Variants in ATP6V0D1 observed in about 807,000 individuals in gnomAD.
ATP6V0D1 encodes the protein ATPase H+ transporting V0 subunit d1.
Under a neutral mutation model 39.0 loss-of-function variants are expected in ATP6V0D1, and 13 were observed. The observed-to-expected ratio is 0.33, with a 90% CI of 0.22 to 0.53. The LOEUF (loss-of-function observed/expected upper bound fraction) is 0.53, where lower values mean the gene tolerates loss of function less well. ATP6V0D1 is among the 20% of genes least tolerant of loss of function. The probability of loss-of-function intolerance (pLI) is 0.94; values close to 1 mark genes in which losing one functional copy is unlikely to be tolerated. For missense variants in ATP6V0D1, 272 were observed against 470.9 expected (o/e 0.58, Z 3.91); for synonymous variants, 191 against 191.2 (o/e 1.00, Z 0.01).
intron 2 of ATP6V0D1, among the ~76,000 whole-genome samples, chr16:67,451,323 T>A (rs988634340): frequency 2.0e-5 from 3 of 151,960 alleles, no homozygotes; most frequent in African/African-American, 7.3e-5. Context: ...AGTGCTCGAA[T>A]GATGGACCAG....
intron 1 of ATP6V0D1, among the ~76,000 whole-genome samples, chr16:67,472,111 G>GGCA (rs1447203470): frequency 6.6e-6 from 1 of 152,118 alleles, no homozygotes; most frequent in African/African-American, 2.4e-5. Flanking sequence ...CATTCTCGCA[G>GGCA]GCAGCAGCAG....
At chr16:67,449,919 C>G (rs112291748) in intron 2 of ATP6V0D1, among the ~76,000 whole-genome samples, 15,215 of 152,246 alleles carry the variant, frequency 0.1, 1,349 homozygotes, top group African/African-American at 0.24. Flanking sequence ...TCAGCCAGCT[C>G]CTGCTTTCAT....
intron 1 of ATP6V0D1, among the ~76,000 whole-genome samples, chr16:67,459,897 G>A (rs548274173): frequency 2.3e-4 from 35 of 152,368 alleles, no homozygotes; most frequent in East Asian, 1.3e-3. Flanking sequence ...GGGCAGACCC[G>A]CTTGAGGCTC....
intron 1 of ATP6V0D1, among the ~76,000 whole-genome samples, chr16:67,477,877 G>A (rs1035418579): frequency 3.3e-5 from 5 of 152,028 alleles, no homozygotes; most frequent in African/African-American, 1.2e-4. Flanking sequence ...GTTTCACCGA[G>A]CCAGGATGGT....
chr16:67,441,553 TAC>T (rs372818559), intron 4 of ATP6V0D1: 58 of 151,874 alleles, frequency 3.8e-4, no homozygotes, highest in African/African-American at 1.2e-3. Context: ...GGCGCGTGCG[TAC>T]ACACACACAC....
intron 2 of ATP6V0D1, among the ~76,000 whole-genome samples, chr16:67,445,251 G>A (rs972655543): frequency 2.0e-5 from 3 of 152,238 alleles, no homozygotes; most frequent in Admixed American, 6.5e-5. Flanking sequence ...GGCTGCAGCA[G>A]GCGGGGGGCA....
At chr16:67,457,716 G>T in intron 1 of ATP6V0D1, 1 of 1,152,286 alleles carries the variant, frequency 8.7e-7, no homozygotes, top group Non-Finnish European at 1.2e-6. Context: ...GCTCTCTTCT[G>T]CAGGCCCCCC....
At chr16:67,464,911 C>T (rs2041317208) in intron 1 of ATP6V0D1, among the ~76,000 whole-genome samples, 1 of 152,260 alleles carries the variant, frequency 6.6e-6, no homozygotes, top group Non-Finnish European at 1.5e-5. Flanking sequence ...CCCAGCGGTC[C>T]TCAGGACCAC....
At chr16:67,462,362 G>A (rs374991316) in intron 1 of ATP6V0D1, among the ~76,000 whole-genome samples, 4 of 152,250 alleles carry the variant, frequency 2.6e-5, no homozygotes, top group South Asian at 2.1e-4. Context: ...TTGCCACCAC[G>A]GTTATAGAAC....
intron 1 of ATP6V0D1, among the ~76,000 whole-genome samples, chr16:67,460,735 G>A (rs1448201031): frequency 6.6e-6 from 1 of 152,094 alleles, no homozygotes; most frequent in Non-Finnish European, 1.5e-5. Context: ...GGGTATCCAT[G>A]GCACCTTTCC....
chr16:67,446,963 G>T (rs1380973485), intron 2 of ATP6V0D1, among the ~76,000 whole-genome samples: 1 of 152,086 alleles, frequency 6.6e-6, no homozygotes, highest in Non-Finnish European at 1.5e-5. Flanking sequence ...GGAGCTCCAC[G>T]TCCCCATGGC....
At chr16:67,457,487 T>C in intron 1 of ATP6V0D1, 3 of 987,206 alleles carry the variant, frequency 3.0e-6, no homozygotes, top group Non-Finnish European at 4.2e-6. Flanking sequence ...AGCTGGCAGG[T>C]GGTGGCAGAG....
At chr16:67,457,600 G>C in intron 1 of ATP6V0D1, 1 of 1,289,620 alleles carries the variant, frequency 7.8e-7, no homozygotes, top group Non-Finnish European at 1.0e-6. Flanking sequence ...TCACTGGACT[G>C]TCATCACTCA....
chr16:67,448,784 C>G (rs2041146115), intron 2 of ATP6V0D1, among the ~76,000 whole-genome samples: 1 of 152,148 alleles, frequency 6.6e-6, no homozygotes, highest in Non-Finnish European at 1.5e-5. Context: ...CTGGTCTGAG[C>G]CTTCTGGGCC....
chr16:67,481,024 G>A lies in ATP6V0D1; in HGVS notation c.63C>T (p.Arg21=). 2 of 1,614,188 alleles carry A rather than the reference G, an allele frequency of 1.2e-6. No homozygotes were observed. Among genetic ancestry groups the A allele is most frequent in the Middle Eastern group, 1.6e-4 (1 of 6,062 alleles). ...GGCTGAGCACCCCGGCCTTCAGGCC[G>A]CGCACCAGTCCCTCCAAGTAGCCAT... The part of the protein sequence containing the change: ...VDNGYLEGLV[R]GLKAGVLSQA... The change falls in exon 1 of 8, where the codon CGC becomes CGT. Residue 21 remains arginine, a synonymous_variant. Transcript: ENST00000290949.
intron 3 of ATP6V0D1, chr16:67,443,465 A>G: frequency 5.3e-6 from 2 of 373,890 alleles, no homozygotes; most frequent in South Asian, 1.1e-4. Flanking sequence ...AGCTCAGACC[A>G]TGCCAAAGAC....
At chr16:67,439,243 C>G (rs1380338860) in intron 5 of ATP6V0D1, 31 bp downstream of exon 5, 19 of 1,613,938 alleles carry the variant, frequency 1.2e-5, no homozygotes, top group African/African-American at 6.7e-5. Context: ...CTAGCGGGCA[C>G]CAGCAGGCAG....
At chr16:67,472,136 G>A (rs2041378476) in intron 1 of ATP6V0D1, among the ~76,000 whole-genome samples, 1 of 152,102 alleles carries the variant, frequency 6.6e-6, no homozygotes, top group South Asian at 2.1e-4. Context: ...AAGCTGGAGG[G>A]GAGCAACAGG....
chr16:67,452,767 T>TGTGCAGTCCAGGTGCCCTCCCC (rs1170326768), intron 2 of ATP6V0D1, among the ~76,000 whole-genome samples: 2 of 152,124 alleles, frequency 1.3e-5, no homozygotes, highest in African/African-American at 4.8e-5. Flanking sequence ...CCTACCTCCC[T>TGTGCAGTCCAGGTGCCCTCCCC]GTGCAGTCCA....
Sources: allele counts gnomAD v4.1 joint callset (sites outside exome capture counted in the v4.1 genomes callset), GRCh38; gene constraint gnomAD v4.1.1; transcripts MANE v1.5; gene names NCBI Gene and HGNC (gene_info 2026-07-23, HGNC 2026-07-21).